Variants in CCDC192 observed in about 807,000 individuals in gnomAD.
CCDC192 encodes coiled-coil domain containing 192, also known as coiled-coil domain-containing protein 192.
rs1249972543 is a variant in CCDC192 at position 127,870,732 on chromosome 5, G to A, written c.412-4806G>A. Among the ~76,000 whole-genome samples, 3 of 152,268 alleles carry A rather than the reference G, an allele frequency of 2.0e-5. No homozygotes were observed. The East Asian group carries it at 5.8e-4, about 29-fold the overall frequency. On this transcript the variant is annotated intron_variant, in intron 5 of 6. Transcript: ENST00000514853. ...CCATGAACTGAAAAAGAACATACAT[G>A]ACACATATTTGACATCCCTAGACTT... is the stretch of plus-strand genomic sequence containing the variant.
intron 3 of CCDC192, among the ~76,000 whole-genome samples, chr5:127,793,500 T>G (rs1402531280): frequency 6.6e-6 from 1 of 152,174 alleles, no homozygotes; most frequent in Non-Finnish European, 1.5e-5. Context: ...ACAGGCAGCC[T>G]GAGTTAGGAT....
At chr5:127,880,502 A>G (rs1580789101) in intron 6 of CCDC192, among the ~76,000 whole-genome samples, 1 of 150,104 alleles carries the variant, frequency 6.7e-6, no homozygotes, top group East Asian at 2.0e-4. Context: ...ACCTAATGCT[A>G]GATGACGAGT....
In CCDC192 at chr5:127,889,881, AT is replaced by A. The variant is rs5871280; in HGVS notation, c.535+14234del. Among the ~76,000 whole-genome samples the A allele has an allele frequency of 7.1e-3, 1,044 of 147,636 alleles. 9 individuals are homozygous for A. The highest frequency in any genetic ancestry group is 0.021 in the African/African-American group (861 of 40,232). ...ATGCCACTGGTCAACAGTTTTATAA[AT>A]TTTTTTTTTTTTTGGATCCAATATT... On this transcript the variant is annotated intron_variant, in intron 6 of 6. Transcript: ENST00000514853.
intron 3 of CCDC192, among the ~76,000 whole-genome samples, chr5:127,781,227 C>T (rs1402632573): frequency 6.6e-6 from 1 of 152,104 alleles, no homozygotes; most frequent in African/African-American, 2.4e-5. Context: ...ATTTTGGTGA[C>T]TATGGCCTTA....
intron 6 of CCDC192, among the ~76,000 whole-genome samples, chr5:127,906,128 C>T (rs769353396): frequency 6.6e-6 from 1 of 152,176 alleles, no homozygotes; most frequent in Non-Finnish European, 1.5e-5. Context: ...CCACCATCCA[C>T]CTCCACAACT....
chr5:127,794,318 C>G (rs1261065326), intron 3 of CCDC192, among the ~76,000 whole-genome samples: 1 of 152,186 alleles, frequency 6.6e-6, no homozygotes, highest in Non-Finnish European at 1.5e-5. Context: ...CTACTGAAAA[C>G]TTGAACTCCA....
At chr5:127,735,404 A>G (rs1396136110) in intron 2 of CCDC192, among the ~76,000 whole-genome samples, 15 of 148,844 alleles carry the variant, frequency 1.0e-4, no homozygotes, top group African/African-American at 3.1e-4. Context: ...TTGTCTTGGA[A>G]ATGTGGGCTC....
At chr5:127,779,789 T>A (rs1305666316) in intron 3 of CCDC192, among the ~76,000 whole-genome samples, 2 of 152,086 alleles carry the variant, frequency 1.3e-5, no homozygotes, top group Non-Finnish European at 1.5e-5. Flanking sequence ...GTTACATGAG[T>A]AAGTTCTTTA....
intron 6 of CCDC192, among the ~76,000 whole-genome samples, chr5:127,893,551 A>T (rs2127158280): frequency 6.6e-6 from 1 of 152,334 alleles, no homozygotes; most frequent in Non-Finnish European, 1.5e-5. Context: ...AGGAGTTATT[A>T]CACTCTTCTA....
At chr5:127,888,217 A>G (rs1422611117) in intron 6 of CCDC192, among the ~76,000 whole-genome samples, 1 of 151,788 alleles carries the variant, frequency 6.6e-6, no homozygotes, top group East Asian at 1.9e-4. Flanking sequence ...GGGGTTCGAA[A>G]CCAGCCTGGC....
intron 5 of CCDC192, among the ~76,000 whole-genome samples, chr5:127,834,641 C>T (rs542089148): frequency 6.6e-6 from 1 of 152,284 alleles, no homozygotes; most frequent in East Asian, 1.9e-4. Flanking sequence ...AGCCAAAATT[C>T]TCACCAGCAG....
chr5:127,863,249 A>G (rs1238389627), intron 5 of CCDC192, among the ~76,000 whole-genome samples: 2 of 152,230 alleles, frequency 1.3e-5, no homozygotes, highest in Non-Finnish European at 2.9e-5. Context: ...CAAGGGCTGG[A>G]AACAACCCAA....
intron 2 of CCDC192, among the ~76,000 whole-genome samples, chr5:127,726,340 C>T (rs1222671709): frequency 6.6e-6 from 1 of 152,076 alleles, no homozygotes; most frequent in Non-Finnish European, 1.5e-5. Context: ...AACAACATGT[C>T]GGGGAAAATT....
intron 5 of CCDC192, among the ~76,000 whole-genome samples, chr5:127,866,980 T>A (rs1367884864): frequency 6.6e-6 from 1 of 152,196 alleles, no homozygotes; most frequent in Non-Finnish European, 1.5e-5. Context: ...TTTCTCTACT[T>A]TGGTTTCTTT....
chr5:127,854,354 C>G (rs886959021), intron 5 of CCDC192, among the ~76,000 whole-genome samples: 1 of 152,142 alleles, frequency 6.6e-6, no homozygotes, highest in Non-Finnish European at 1.5e-5. Context: ...GTTGCGCCTT[C>G]TGCAGTTTCG....
chr5:127,800,324 T>C (rs1040382984), intron 5 of CCDC192, among the ~76,000 whole-genome samples: 2 of 133,646 alleles, frequency 1.5e-5, no homozygotes, highest in African/African-American at 5.9e-5. Context: ...TGAGCACTTC[T>C]TAGAACATTG....
intron 5 of CCDC192, among the ~76,000 whole-genome samples, chr5:127,807,850 C>A (rs1444587812): frequency 6.6e-6 from 1 of 151,984 alleles, no homozygotes; most frequent in Non-Finnish European, 1.5e-5. Context: ...AAAATCCTTC[C>A]TGAATTAAGT....
At chr5:127,757,611 A>G (rs1297821053) in intron 3 of CCDC192, among the ~76,000 whole-genome samples, 1 of 151,922 alleles carries the variant, frequency 6.6e-6, no homozygotes. Flanking sequence ...AAGGGGAGAA[A>G]CTGATATTTC....
chr5:127,850,134 A>G (rs1750731839), intron 5 of CCDC192, among the ~76,000 whole-genome samples: 1 of 152,142 alleles, frequency 6.6e-6, no homozygotes, highest in East Asian at 1.9e-4. Context: ...GCTTCTTTGC[A>G]TGTGGTTTCA....
Sources: gnomAD v4.1 joint callset for allele counts (sites outside exome capture counted in the v4.1 genomes callset) on GRCh38, gnomAD v4.1.1 for gene constraint, MANE v1.5 for transcripts, NCBI Gene and HGNC (gene_info 2026-07-23, HGNC 2026-07-21) for gene names.